SBF1: variants seen among roughly 807,000 people sequenced by gnomAD.
SBF1 encodes the protein SET binding factor 1.
SBF1 carries 65 observed loss-of-function variants against 215.8 expected under a neutral mutation model. That is an observed-to-expected ratio of 0.30 (90% CI 0.25 to 0.37). The LOEUF is 0.37. SBF1 is among the 10% of genes least tolerant of loss of function. The pLI is 1.00. For synonymous variants in SBF1, 1,410 were observed against 1,122.8 expected (o/e 1.26, Z -5.11); for missense variants, 2,634 against 2,667.8 (o/e 0.99, Z 0.28).
rs372394461 is a variant in SBF1 at position 50,466,072 on chromosome 22, G to C, written c.900C>G (p.Leu300=). The C allele has an allele frequency of 2.9e-5, 46 of 1,613,630 alleles. No homozygotes were observed. Among genetic ancestry groups the C allele is most frequent in the Non-Finnish European group, 3.5e-5 (41 of 1,179,998 alleles). Residue 300 remains leucine, a splice_region_variant and synonymous_variant, in exon 9 of 41, where the codon CTC becomes CTG. Coordinates refer to ENST00000380817, the MANE Select transcript of SBF1 (RefSeq NM_002972.4). ...AAFQAETQEL[L]DVIVADLDGG... ...CATCCAGATCAGCAACAATCACATC[G>C]AGCTGCGGACCAAGGGAGCCGGCAG...
chr22:50,465,170 C>T (rs2148598406), intron 11 of SBF1, 41 bp from the exon 12 acceptor site: 1 of 1,613,762 alleles, frequency 6.2e-7, no homozygotes, highest in East Asian at 2.2e-5. Flanking sequence ...GGGTCTCCAC[C>T]ATGCGCTTAT....
At chr22:50,459,820 C>T in intron 26 of SBF1, 132 bp downstream of exon 26, 3 of 1,342,708 alleles carry the variant, frequency 2.2e-6, no homozygotes, top group Non-Finnish European at 3.1e-6. Flanking sequence ...AGCCCTGTGG[C>T]CCGTCCCTCT....
In SBF1 at chr22:50,467,767, C is replaced by T; in HGVS notation, c.279+19G>A. On this transcript the variant is annotated intron_variant, in intron 3 of 40. Coordinates refer to ENST00000380817, the MANE Select transcript of SBF1 (RefSeq NM_002972.4). Reference sequence around the variant, plus strand: ...GGATGCAGCTTCATTCATGCTGTACCCAGAGGCCCCAAGCTGACCTGTGAA... The same window carrying T: ...GGATGCAGCTTCATTCATGCTGTACTCAGAGGCCCCAAGCTGACCTGTGAA... The T allele has an allele frequency of 6.2e-7, 1 of 1,613,548 alleles. No homozygotes were observed.
chr22:50,464,292 G>A lies in SBF1; in HGVS notation c.1749+37C>T, dbSNP rs188038325. The A allele has an allele frequency of 7.6e-3, 11,777 of 1,550,726 alleles. 57 individuals are homozygous for A. The highest frequency in any genetic ancestry group is 9.2e-3 in the Non-Finnish European group (10,405 of 1,129,504). On this transcript the variant is annotated intron_variant, in intron 15 of 40. Transcript: ENST00000380817. Reference sequence around the variant, plus strand: ...GCAGCCTGGGTCTCCTCTGAAACCCGCTGCCCTGGCCCGGCTGGAGCCTGC... The same window carrying A: ...GCAGCCTGGGTCTCCTCTGAAACCCACTGCCCTGGCCCGGCTGGAGCCTGC...
chr22:50,451,494 C>T (rs1444139913), intron 36 of SBF1, among the ~76,000 whole-genome samples: 1 of 152,094 alleles, frequency 6.6e-6, no homozygotes, highest in East Asian at 1.9e-4. Flanking sequence ...GCTTCAGCAA[C>T]GTATGGGACA....
Position 50,462,671 on chromosome 22 carries a change from T to C in SBF1, c.2015A>G (p.Glu672Gly). Residue 672 changes from glutamate (E) to glycine (G), a missense_variant, in exon 18 of 41, where the codon GAG becomes GGG. By Grantham distance (98) the Glu-to-Gly change is moderately conservative. Transcript: ENST00000380817. ...CTGTGGCGTGCTCCACACCACGTGC[T>C]CCTGCACACAGCTGTATGCAAACTG... ...VTQFAYSCVQEHVVWSTPQFW... is the reference protein window; with the variant it reads ...VTQFAYSCVQGHVVWSTPQFW... The C allele has an allele frequency of 6.2e-7, 1 of 1,612,458 alleles. No homozygotes were observed. Among genetic ancestry groups the C allele is most frequent in the Non-Finnish European group, 8.5e-7 (1 of 1,179,642 alleles).
At chr22:50,467,294 G>C (rs763654142) in intron 5 of SBF1, 44 bp downstream of exon 5, 4 of 1,524,838 alleles carry the variant, frequency 2.6e-6, no homozygotes, top group Non-Finnish European at 3.6e-6. Flanking sequence ...GCCCCAGCAG[G>C]AGGGCCTGTG....
intron 1 of SBF1, among the ~76,000 whole-genome samples, chr22:50,472,948 TC>T (rs1241153114): frequency 6.6e-6 from 1 of 152,162 alleles, no homozygotes; most frequent in Non-Finnish European, 1.5e-5. Flanking sequence ...GGACCACTTA[TC>T]ACTCCTTCCG....
At position 50,447,613 on chromosome 22, in the gene SBF1, C is replaced by G. The variant is rs367894486; in HGVS notation, c.5364-4G>C. ...GTACAGAGTGCCCTCGTAGGACCTG[C>G]ATTTCCAGCAGAACCAGGGCCAGGC... On this transcript the variant is annotated splice_region_variant and splice_polypyrimidine_tract_variant and intron_variant, in intron 38 of 40. Coordinates refer to ENST00000380817, the MANE Select transcript of SBF1 (RefSeq NM_002972.4). 1.9e-6 allele frequency: 3 copies of G among 1,604,858 alleles called. No individual in the cohort carries two copies. The African/African-American group carries it at 4.0e-5, about 22-fold the overall frequency.
rs756059526 is a variant in SBF1, at chr22:50,455,287, G to A, written c.4491C>T (p.Thr1497=). ...TGAAGCCGCTGCTCTGCCCGGCCAG[G>A]GTGTGAGCTCCACGGTGGCTGAAGC... ...GHRFSHRGAH[T]LAGQSSGFTP... Residue 1497 remains threonine (T), a synonymous_variant, in exon 33 of 41, where the codon ACC becomes ACT. Transcript: ENST00000380817. 5.6e-6 allele frequency: 9 copies of A among 1,613,420 alleles called. No individual in the cohort carries two copies. Among genetic ancestry groups the A allele is most frequent in the East Asian group, 2.2e-5 (1 of 44,896 alleles).
rs376199591 is a variant in SBF1 at position 50,465,012 on chromosome 22, G to A, written c.1321C>T (p.Leu441=). 49 of 1,613,876 alleles carry A rather than the reference G, an allele frequency of 3.0e-5. No individual in the cohort carries two copies. ...ERGVPYRPTD[L]FDELVAHEVA... is the part of the protein sequence containing the mutation. ...GGGTGGAGGTGCACCTCATCGAACA[G>A]GTCCGTAGGGCGGTATGGGACCCCA... The change falls in exon 12 of 41, where the codon CTG becomes TTG. Residue 441 remains leucine, a synonymous_variant. Coordinates refer to ENST00000380817, the MANE Select transcript of SBF1 (RefSeq NM_002972.4).
At chr22:50,462,979 C>A (rs1364885887) in intron 16 of SBF1, 41 bp from the exon 17 acceptor site, 1 of 1,568,422 alleles carries the variant, frequency 6.4e-7, no homozygotes, top group Admixed American at 1.8e-5. Flanking sequence ...TCTCCCCTCC[C>A]AGGCAGCACT....
In SBF1 at chr22:50,474,900, G is replaced by A. The variant is rs1160300123; in HGVS notation, c.-60C>T. 4.3e-5 allele frequency: 52 copies of A among 1,217,322 alleles called. No homozygotes were observed. The highest frequency in any genetic ancestry group is 5.0e-5 in the Non-Finnish European group (47 of 946,016). 75.4% of individuals were successfully genotyped at this position (1,217,322 alleles called of 1,614,324 possible). ...CGGGCTCCGCGGCTCGGGGACTCGA[G>A]GACGGCGCGCTCATGGCCCGGCCCC... On this transcript the variant is annotated 5_prime_UTR_variant, in exon 1 of 41. Coordinates refer to ENST00000380817, the MANE Select transcript of SBF1 (RefSeq NM_002972.4).
chr22:50,455,427 A>C lies in SBF1; in HGVS notation c.4369-18T>G, dbSNP rs762000905. 6.2e-7 allele frequency: 1 copy of C among 1,612,034 alleles called. No individual in the cohort carries two copies. The highest frequency in any genetic ancestry group is 2.2e-5 in the East Asian group (1 of 44,838). ...GATACCACCTGCCAGCACCGCCAGG[A>C]GGTCAGCGAGGAGCCCGGGAGCCTG... On this transcript the variant is annotated intron_variant, in intron 32 of 40. Transcript: ENST00000380817.
At position 50,467,581 on chromosome 22, in the gene SBF1, G is replaced by A. The variant is rs760170381; in HGVS notation, c.389C>T (p.Pro130Leu). The change falls in exon 4 of 41, where the codon CCG (proline) becomes CTG (leucine). Residue 130 changes from proline to leucine, a missense_variant. Coordinates refer to ENST00000380817, the MANE Select transcript of SBF1 (RefSeq NM_002972.4). ...APAPSAQLFA[P>L]KTLVLVSRLD... is the part of the protein sequence containing the mutation. ...TCGCGACACCAGTACCAGCGTCTTC[G>A]GTGCAAACAGCTGGGCAGATGGGGC... The A allele has an allele frequency of 3.7e-6, 6 of 1,614,024 alleles. No homozygotes were observed. Among genetic ancestry groups the A allele is most frequent in the East Asian group, 2.2e-5 (1 of 44,900 alleles).
chr22:50,456,434 G>GC (rs1313928996), intron 30 of SBF1, 39 bp from the exon 31 acceptor site: 4 of 1,598,862 alleles, frequency 2.5e-6, no homozygotes, highest in East Asian at 4.5e-5. Flanking sequence ...GACACATGAG[G>GC]CCCCAAGCCC....
At chr22:50,454,768 C>T in intron 35 of SBF1, 26 bp from the exon 36 acceptor site, 3 of 1,597,158 alleles carry the variant, frequency 1.9e-6, no homozygotes, top group Non-Finnish European at 2.6e-6. Context: ...TGGTTGAGGA[C>T]CTGGGTCGGG....
At chr22:50,458,375 C>G (rs1003693699) in intron 28 of SBF1, among the ~76,000 whole-genome samples, 1 of 151,524 alleles carries the variant, frequency 6.6e-6, no homozygotes, top group Admixed American at 6.6e-5. Context: ...AGCTTGAGCC[C>G]CTGAGCATTG....
chr22:50,449,355 G>T (rs903402799), intron 36 of SBF1, among the ~76,000 whole-genome samples: 1 of 151,722 alleles, frequency 6.6e-6, no homozygotes, highest in Non-Finnish European at 1.5e-5. Context: ...GGTGGCTCAC[G>T]CCTGTAATCC....
Sources: gnomAD v4.1 joint callset for allele counts (sites outside exome capture counted in the v4.1 genomes callset) on GRCh38, gnomAD v4.1.1 for gene constraint, MANE v1.5 for transcripts, NCBI Gene and HGNC (gene_info 2026-07-23, HGNC 2026-07-21) for gene names.